EVL: variants seen among roughly 807,000 people sequenced by gnomAD.
EVL encodes the protein ena/VASP-like protein.
Under a neutral mutation model 59.6 loss-of-function variants are expected in EVL, and 21 were observed. That is an observed-to-expected ratio of 0.35 (90% confidence interval 0.25 to 0.51). The LOEUF (loss-of-function observed/expected upper bound fraction) is 0.51, where lower values mean the gene tolerates loss of function less well. EVL is among the 20% of genes least tolerant of loss of function. The pLI, the probability that EVL is intolerant of heterozygous loss-of-function variation, is 0.97. For missense variants in EVL, 462 were observed against 546.6 expected, an observed-to-expected ratio of 0.85 and a Z score of 1.54; for synonymous variants, 198 against 203.5, an observed-to-expected ratio of 0.97 and a Z score of 0.23.
chr14:100,023,371 A>AT (rs1010647617), intron 1 of EVL, among the ~76,000 whole-genome samples: 3,801 of 90,676 alleles, frequency 0.042, 111 homozygotes, highest in African/African-American at 0.082. Flanking sequence ...AGCCCGGCTA[A>AT]TTTTTTTTTT....
chr14:100,050,486 A>G (rs1463602555), intron 1 of EVL, among the ~76,000 whole-genome samples: 2 of 151,478 alleles, frequency 1.3e-5, no homozygotes, highest in Non-Finnish European at 2.9e-5. Context: ...AGTAGCTGGG[A>G]GTACAGGTGC....
At chr14:100,103,096 G>A (rs758066515) in intron 3 of EVL, among the ~76,000 whole-genome samples, 25 of 113,442 alleles carry the variant, frequency 2.2e-4, no homozygotes, top group Admixed American at 1.3e-3. Context: ...GCAAGACTCC[G>A]TCTCAAAAAA....
intron 1 of EVL, among the ~76,000 whole-genome samples, chr14:100,023,235 C>T (rs1251680725): frequency 2.2e-4 from 33 of 148,828 alleles, no homozygotes; most frequent in Admixed American, 2.1e-3. Context: ...AACACAGTCT[C>T]ACTTTGTCAC....
upstream of EVL, among the ~76,000 whole-genome samples, chr14:100,060,835 G>A (rs1441670104): frequency 6.6e-6 from 1 of 151,832 alleles, no homozygotes; most frequent in Non-Finnish European, 1.5e-5. Flanking sequence ...TGCTGAAAAC[G>A]AAAGAAAAAG....
chr14:100,030,178 C>T (rs964141241), intron 1 of EVL, among the ~76,000 whole-genome samples: 4 of 151,454 alleles, frequency 2.6e-5, no homozygotes, highest in South Asian at 2.1e-4. Flanking sequence ...CTGCAACCTC[C>T]GCCTCCTGGG....
intron 6 of EVL, 22 bp downstream of exon 6, chr14:100,128,770 G>T: frequency 6.3e-7 from 1 of 1,592,488 alleles, no homozygotes; most frequent in Admixed American, 1.7e-5. Context: ...TGTGTGCGGG[G>T]TGGGAATGGG....
In EVL at chr14:100,035,163, G is replaced by A. The variant is rs578155237; in HGVS notation, c.6-49524G>A. 9.9e-5 allele frequency among the ~76,000 whole-genome samples: 15 copies of A among 152,148 alleles called. No individual in the cohort carries two copies. The Middle Eastern group carries it at 0.01, about 104-fold the overall frequency. On this transcript the variant is annotated intron_variant, in intron 1 of 13. Transcript: ENST00000402714. ...CTAAATTGTGTTTTTGCTGGTTTTT[G>A]TATTTTTGGAGTTAAAATGAAGTCA...
chr14:100,043,235 G>GTGTGTGTGTGTATATATATA (rs1320142234), intron 1 of EVL, among the ~76,000 whole-genome samples: 14 of 151,348 alleles, frequency 9.3e-5, no homozygotes, highest in African/African-American at 2.4e-4. Flanking sequence ...ATATATGTAT[G>GTGTGTGTGTGTATATATATA]TGTGTGTGTG....
At chr14:99,976,014 T>G (rs966478075) in intron 1 of EVL, among the ~76,000 whole-genome samples, 2 of 152,060 alleles carry the variant, frequency 1.3e-5, no homozygotes, top group Non-Finnish European at 2.9e-5. Flanking sequence ...TTTTTAAAAA[T>G]TATTTTTAAA....
chr14:100,106,731 C>T (rs1358561281), intron 3 of EVL: 1 of 397,698 alleles, frequency 2.5e-6, no homozygotes, highest in African/African-American at 2.1e-5. Flanking sequence ...TTTTGTGAAA[C>T]TCGGGCTGGT....
chr14:100,035,406 T>C (rs900441194), intron 1 of EVL, among the ~76,000 whole-genome samples: 4 of 152,064 alleles, frequency 2.6e-5, no homozygotes, highest in African/African-American at 7.2e-5. Context: ...TTTTTTTTTT[T>C]AATAGGAATT....
At chr14:100,102,511 G>A (rs1886285892) in intron 3 of EVL, 6 of 382,816 alleles carry the variant, frequency 1.6e-5, no homozygotes, top group South Asian at 1.2e-4. Flanking sequence ...TTCTGCTGGA[G>A]AAACTTCTTG....
intron 1 of EVL, among the ~76,000 whole-genome samples, 188 bp downstream of exon 1, chr14:100,065,699 C>T (rs904331276): frequency 1.3e-5 from 2 of 152,148 alleles, no homozygotes; most frequent in African/African-American, 2.4e-5. Context: ...CCTCTCTAGC[C>T]GCTGGTCTTT....
chr14:100,053,570 A>T (rs886767893), intron 1 of EVL, among the ~76,000 whole-genome samples: 1 of 152,218 alleles, frequency 6.6e-6, no homozygotes, highest in Non-Finnish European at 1.5e-5. Context: ...TTATTTAAAA[A>T]TAGTCATTGA....
At chr14:99,990,276 C>T (rs1268593616) in intron 1 of EVL, among the ~76,000 whole-genome samples, 4 of 152,142 alleles carry the variant, frequency 2.6e-5, no homozygotes, top group East Asian at 1.9e-4. Context: ...AGGGTATCAG[C>T]GAAGTTCAGA....
intron 1 of EVL, among the ~76,000 whole-genome samples, chr14:100,056,270 T>C (rs2061731413): frequency 6.6e-6 from 1 of 151,704 alleles, no homozygotes; most frequent in Admixed American, 6.6e-5. Context: ...TCCCTGTCCC[T>C]TTTTCCCTAC....
intron 1 of EVL, among the ~76,000 whole-genome samples, chr14:99,997,900 G>C (rs917811322): frequency 6.6e-6 from 1 of 152,094 alleles, no homozygotes; most frequent in Non-Finnish European, 1.5e-5. Flanking sequence ...GAAATGCAAG[G>C]TTTGACTGAT....
At chr14:100,037,817 A>G (rs1224511350) in intron 1 of EVL, among the ~76,000 whole-genome samples, 3 of 152,204 alleles carry the variant, frequency 2.0e-5, no homozygotes, top group Admixed American at 1.3e-4. Flanking sequence ...CCCAGGCAAT[A>G]TATAGTTATT....
chr14:100,027,137 A>G (rs1274344137), intron 1 of EVL, among the ~76,000 whole-genome samples: 3 of 152,230 alleles, frequency 2.0e-5, no homozygotes, highest in African/African-American at 7.2e-5. Flanking sequence ...AAGTATACCT[A>G]TTTATGGGGT....
Sources: gnomAD v4.1 joint callset for allele counts (sites outside exome capture counted in the v4.1 genomes callset) on GRCh38, gnomAD v4.1.1 for gene constraint, MANE v1.5 for transcripts, NCBI Gene and HGNC (gene_info 2026-07-23, HGNC 2026-07-21) for gene names.